CAST: variants seen among roughly 807,000 people sequenced by gnomAD.
CAST encodes calpastatin.
A neutral mutation model predicts 119.6 loss-of-function variants in CAST; 76 were observed. The observed-to-expected ratio is 0.64, with a 90% CI of 0.53 to 0.77. The LOEUF (loss-of-function observed/expected upper bound fraction) is 0.77. CAST is among the 30% of genes least tolerant of loss of function. CAST has a pLI of 0.00. For missense variants in CAST, 953 were observed against 946.5 expected (o/e 1.01, Z -0.09); for synonymous variants, 319 against 331.6 (o/e 0.96, Z 0.41).
chr5:96,528,012 T>G (rs970503382), upstream of CAST, among the ~76,000 whole-genome samples: 1 of 152,234 alleles, frequency 6.6e-6, no homozygotes, highest in Non-Finnish European at 1.5e-5. Context: ...CTAATACTAT[T>G]TATTTAGTAT....
chr5:96,278,902 A>C, the CAST span, among the ~76,000 whole-genome samples: 9 of 152,212 alleles, frequency 5.9e-5, no homozygotes, highest in Non-Finnish European at 1.3e-4. Flanking sequence ...CTCTCATCAT[A>C]TCCTATAGCT....
the CAST span, among the ~76,000 whole-genome samples, chr5:95,991,114 AG>A: frequency 1.4e-4 from 21 of 152,348 alleles, no homozygotes; most frequent in African/African-American, 5.0e-4. Flanking sequence ...ATTGCTGCAC[AG>A]AAAGATGCCC....
chr5:96,596,853 T>G (rs1029547214), intron 1 of CAST, among the ~76,000 whole-genome samples: 19 of 152,214 alleles, frequency 1.2e-4, no homozygotes, highest in Admixed American at 7.8e-4. Context: ...GAGGGCTCTC[T>G]GACTTGTGTT....
At chr5:96,578,259 A>G (rs1746708086) in intron 1 of CAST, among the ~76,000 whole-genome samples, 1 of 150,934 alleles carries the variant, frequency 6.6e-6, no homozygotes. Context: ...TTCTTTGTTA[A>G]TGTTTGCATG....
chr5:96,497,373 C>T, the CAST span, among the ~76,000 whole-genome samples: 1 of 152,130 alleles, frequency 6.6e-6, no homozygotes, highest in African/African-American at 2.4e-5. Flanking sequence ...TGGGTATATA[C>T]CCAGTAATGG....
chr5:96,101,551 C>G, the CAST span, among the ~76,000 whole-genome samples: 1 of 152,216 alleles, frequency 6.6e-6, no homozygotes, highest in African/African-American at 2.4e-5. Flanking sequence ...CAGTTCCCAG[C>G]TGCCTGTCTT....
At chr5:96,744,344 G>A (rs1763304091) in intron 16 of CAST, among the ~76,000 whole-genome samples, 1 of 152,206 alleles carries the variant, frequency 6.6e-6, no homozygotes, top group East Asian at 1.9e-4. Context: ...AATTACGGTG[G>A]AAAGTGAATG....
At chr5:96,126,278 A>G in the CAST span, among the ~76,000 whole-genome samples, 6 of 152,122 alleles carry the variant, frequency 3.9e-5, no homozygotes, top group Non-Finnish European at 8.8e-5. Context: ...TATAGCTGCA[A>G]TTTGTGGGGA....
intron 1 of CAST, chr5:96,546,206 T>G (rs1034751465): frequency 6.7e-6 from 1 of 149,706 alleles, no homozygotes; most frequent in South Asian, 2.1e-4. Flanking sequence ...TAAGTCAGAT[T>G]TTTTTTTTCT....
At chr5:96,009,261 G>A in the CAST span, among the ~76,000 whole-genome samples, 1 of 152,254 alleles carries the variant, frequency 6.6e-6, no homozygotes, top group African/African-American at 2.4e-5. Flanking sequence ...GAATAGCATG[G>A]CAATGAACAT....
chr5:96,333,944 C>G, the CAST span, among the ~76,000 whole-genome samples: 2 of 152,146 alleles, frequency 1.3e-5, no homozygotes, highest in Non-Finnish European at 2.9e-5. Flanking sequence ...CATCAACATT[C>G]TTTGAGTTCG....
the CAST span, among the ~76,000 whole-genome samples, chr5:96,409,268 G>A: frequency 2.6e-5 from 4 of 152,126 alleles, no homozygotes; most frequent in South Asian, 2.1e-4. Flanking sequence ...TCGAGATTTC[G>A]ATGTGTGGGA....
the CAST span, among the ~76,000 whole-genome samples, chr5:96,477,589 T>C: frequency 0.018 from 2,756 of 152,306 alleles, 53 homozygotes; most frequent in South Asian, 0.059. Context: ...CCAGTACTCC[T>C]AGGACATTAT....
At chr5:96,568,060 A>G (rs1746504760) in intron 1 of CAST, among the ~76,000 whole-genome samples, 1 of 152,136 alleles carries the variant, frequency 6.6e-6, no homozygotes, top group Non-Finnish European at 1.5e-5. Flanking sequence ...TTCATCTAAA[A>G]GGGTACTTTT....
At chr5:96,432,774 C>T in the CAST span, 1 of 1,076,276 alleles carries the variant, frequency 9.3e-7, no homozygotes, top group Admixed American at 1.8e-5. Flanking sequence ...CTGGAGAGTG[C>T]AACCTGGGGC....
chr5:96,034,520 T>C, the CAST span, among the ~76,000 whole-genome samples: 2 of 121,106 alleles, frequency 1.7e-5, no homozygotes, highest in African/African-American at 5.5e-5. Flanking sequence ...TGTGTGTGTG[T>C]ATGCATCCAT....
the CAST span, among the ~76,000 whole-genome samples, chr5:96,329,600 A>G: frequency 6.6e-6 from 1 of 152,220 alleles, no homozygotes; most frequent in Non-Finnish European, 1.5e-5. Flanking sequence ...CTTTCTTTAG[A>G]AGGCCTCATG....
chr5:96,159,067 T>G, the CAST span, among the ~76,000 whole-genome samples: 54 of 152,338 alleles, frequency 3.5e-4, no homozygotes, highest in South Asian at 1.2e-3. Context: ...CCCTGGAATT[T>G]GATGTAGATT....
chr5:96,425,008 A>AAAGAAAGAAAG, the CAST span, among the ~76,000 whole-genome samples: 10 of 117,478 alleles, frequency 8.5e-5, no homozygotes, highest in African/African-American at 3.0e-4. Context: ...AGAAAGAAAG[A>AAAGAAAGAAAG]AAAGAAAGAA....
Sources: allele counts gnomAD v4.1 joint callset (sites outside exome capture counted in the v4.1 genomes callset), GRCh38; gene constraint gnomAD v4.1.1; transcripts MANE v1.5; gene names NCBI Gene and HGNC (gene_info 2026-07-23, HGNC 2026-07-21).